Variants in TGFBR1 observed in about 807,000 individuals in gnomAD.
TGFBR1 encodes the protein TGF-beta receptor type-1.
A neutral mutation model predicts 55.1 loss-of-function variants in TGFBR1; 20 were observed. The observed-to-expected ratio is 0.36, with a 90% CI of 0.26 to 0.53. The LOEUF (loss-of-function observed/expected upper bound fraction) is 0.53, where lower values mean the gene tolerates loss of function less well. TGFBR1 is among the 20% of genes least tolerant of loss of function. TGFBR1 has a pLI of 0.91. For missense variants in TGFBR1, 385 were observed against 617.6 expected (o/e 0.62, Z 3.99); for synonymous variants, 220 against 214.8 (o/e 1.02, Z -0.21).
At chr9:99,148,811 G>C (rs1362625158) in intron 8 of TGFBR1, among the ~76,000 whole-genome samples, 1 of 151,352 alleles carries the variant, frequency 6.6e-6, no homozygotes, top group Non-Finnish European at 1.5e-5. Flanking sequence ...CACTTTGGGC[G>C]GCAGAGTGAG....
At chr9:99,144,031 T>G (rs183114295) in intron 5 of TGFBR1, among the ~76,000 whole-genome samples, 132 of 152,354 alleles carry the variant, frequency 8.7e-4, no homozygotes, top group African/African-American at 3.1e-3. Context: ...ATGGCATATG[T>G]CATATATCCG....
chr9:99,125,022 A>C (rs1386839118), intron 1 of TGFBR1, among the ~76,000 whole-genome samples: 1 of 152,248 alleles, frequency 6.6e-6, no homozygotes, highest in Non-Finnish European at 1.5e-5. Context: ...TACAAAAAAA[A>C]ACAAAATTCA....
At chr9:99,145,277 C>T (rs1554702007) in intron 6 of TGFBR1, among the ~76,000 whole-genome samples, 1 of 152,144 alleles carries the variant, frequency 6.6e-6, no homozygotes, top group Non-Finnish European at 1.5e-5. Context: ...ATATGCCTTT[C>T]TTGCTTTCTT....
rs1045935790 is a variant in TGFBR1 at position 99,149,382 on chromosome 9, A to G, written c.*77A>G. ...TTTAATTTGGGAGGTCAATTGTTCT[A>G]CCTCACTGAGAGGGAACAGAAGGAT... is the stretch of plus-strand genomic sequence containing the variant. On this transcript the variant is annotated 3_prime_UTR_variant, in exon 9 of 9. Coordinates refer to ENST00000374994, the MANE Select transcript of TGFBR1 (RefSeq NM_004612.4). The G allele has an allele frequency of 1.6e-5, 26 of 1,578,096 alleles. No homozygotes were observed. Among genetic ancestry groups the G allele is most frequent in the Non-Finnish European group, 1.9e-5 (22 of 1,149,144 alleles).
In TGFBR1 at chr9:99,151,548, C is replaced by T; in HGVS notation, c.*2243C>T. On this transcript the variant is annotated 3_prime_UTR_variant, in exon 9 of 9. Transcript: ENST00000374994. ...AGTTGTCTGATTTAAAGTTGTAATA[C>T]ATGATTTCTCACTTTCATGTAAGGT... 1 of 229,744 alleles carries T rather than the reference C, an allele frequency of 4.4e-6. No individual in the cohort carries two copies. Among genetic ancestry groups the T allele is most frequent in the African/African-American group, 2.2e-5 (1 of 45,252 alleles). The allele number at this position is 229,744 out of a possible 1,614,324, so 14.2% of individuals were successfully genotyped here.
At chr9:99,136,156 A>G (rs1418685406) in intron 3 of TGFBR1, among the ~76,000 whole-genome samples, 1 of 152,156 alleles carries the variant, frequency 6.6e-6, no homozygotes, top group African/African-American at 2.4e-5. Flanking sequence ...TGCCTGGCCA[A>G]TTGTTAACTT....
chr9:99,129,087 A>G lies in TGFBR1; in HGVS notation c.330A>G (p.Glu110=), dbSNP rs769471584. The G allele has an allele frequency of 6.2e-7, 1 of 1,613,930 alleles. No homozygotes were observed. Among genetic ancestry groups the G allele is most frequent in the Admixed American group, 1.7e-5 (1 of 60,000 alleles). Residue 110 remains glutamate (E), a synonymous_variant, in exon 2 of 9, where the codon GAA becomes GAG. Transcript: ENST00000374994. ...CCNQDHCNKI[E]LPTTVKSSPG... ...ATCAGGACCATTGCAATAAAATAGA[A>G]CTTCCAACTACTGGTAAGTTGTATA...
intron 6 of TGFBR1, among the ~76,000 whole-genome samples, chr9:99,146,184 G>A (rs149935616): frequency 2.8e-4 from 42 of 152,190 alleles, no homozygotes; most frequent in Non-Finnish European, 5.4e-4. Context: ...TACCTAGTAC[G>A]TGTATAGGTG....
At chr9:99,132,833 T>C in intron 3 of TGFBR1, 94 bp downstream of exon 3, 1 of 1,487,080 alleles carries the variant, frequency 6.7e-7, no homozygotes, top group Non-Finnish European at 9.2e-7. Flanking sequence ...CTTGCTAGAA[T>C]GTGAGATAGT....
intron 1 of TGFBR1, among the ~76,000 whole-genome samples, chr9:99,126,456 T>C (rs376235981): frequency 2.6e-5 from 4 of 152,210 alleles, no homozygotes; most frequent in East Asian, 3.8e-4. Flanking sequence ...CTTTGTGTGC[T>C]AAGCTTTTGG....
chr9:99,134,323 C>A (rs529215817), intron 3 of TGFBR1, among the ~76,000 whole-genome samples: 15 of 152,104 alleles, frequency 9.9e-5, no homozygotes, highest in Non-Finnish European at 1.6e-4. Context: ...CTGGAGCTCA[C>A]GTCCCAGAAG....
Position 99,153,150 on chromosome 9 carries a change from A to G in TGFBR1, c.*3845A>G, listed in dbSNP as rs1004020909. ...GTTAAGGAGATGCTTCAAAATGTCA[A>G]TTGCTTTAAACTTAAATTACCTCTC... On this transcript the variant is annotated 3_prime_UTR_variant, in exon 9 of 9. Transcript: ENST00000374994. The G allele has an allele frequency of 8.8e-6, 2 of 225,996 alleles. No individual in the cohort carries two copies. The highest frequency in any genetic ancestry group is 2.2e-5 in the African/African-American group (1 of 44,958). The allele number at this position is 225,996 out of a possible 1,614,324, so 14.0% of individuals were successfully genotyped here. A position where few individuals can be genotyped will look rare whatever the true frequency, so the allele number is the denominator to read the frequency against.
intron 1 of TGFBR1, among the ~76,000 whole-genome samples, chr9:99,106,513 C>T (rs1826419279): frequency 6.6e-6 from 1 of 152,174 alleles, no homozygotes; most frequent in Non-Finnish European, 1.5e-5. Flanking sequence ...TGCATTACTA[C>T]GATGTAAATG....
chr9:99,143,664 C>G (rs1174648936), intron 5 of TGFBR1, among the ~76,000 whole-genome samples: 1 of 152,126 alleles, frequency 6.6e-6, no homozygotes, highest in African/African-American at 2.4e-5. Flanking sequence ...AGTTATAATT[C>G]ACATCATAAA....
Position 99,114,015 on chromosome 9 carries a change from A to G in TGFBR1, c.97+8713A>G, listed in dbSNP as rs11466448. Among the ~76,000 whole-genome samples the G allele has an allele frequency of 4.3e-3, 661 of 152,276 alleles. 4 individuals carry two copies. Among genetic ancestry groups the G allele is most frequent in the African/African-American group, 0.015 (628 of 41,548 alleles). ...ATTCTGTACTTTTGGGCATAATCCA[A>G]GCTTCCTTGCTTACTGGTTTTAGCC... On this transcript the variant is annotated intron_variant, in intron 1 of 8. Transcript: ENST00000374994.
At chr9:99,149,088 C>A (rs1827892652) in intron 8 of TGFBR1, 92 bp from the exon 9 acceptor site, 2 of 1,342,720 alleles carry the variant, frequency 1.5e-6, no homozygotes, top group East Asian at 2.5e-5. Context: ...GTGTATATGT[C>A]ATTTAAAAAG....
At chr9:99,115,834 A>G (rs769859206) in intron 1 of TGFBR1, among the ~76,000 whole-genome samples, 1 of 152,200 alleles carries the variant, frequency 6.6e-6, no homozygotes, top group Admixed American at 6.5e-5. Context: ...TTTTATCAAA[A>G]TAAACAAGTT....
chr9:99,105,051 C>T, upstream of TGFBR1: 10 of 501,682 alleles, frequency 2.0e-5, no homozygotes, highest in South Asian at 8.8e-5. Flanking sequence ...CCGGCGGGAG[C>T]CCGGCAGCCA....
intron 2 of TGFBR1, 122 bp from the exon 3 acceptor site, chr9:99,132,387 T>C: frequency 6.6e-7 from 1 of 1,518,176 alleles, no homozygotes; most frequent in Non-Finnish European, 8.9e-7. Flanking sequence ...GTAATGAGGC[T>C]CTTTGGCTAA....
Sources: allele counts gnomAD v4.1 joint callset (sites outside exome capture counted in the v4.1 genomes callset), GRCh38; gene constraint gnomAD v4.1.1; transcripts MANE v1.5; gene names NCBI Gene and HGNC (gene_info 2026-07-23, HGNC 2026-07-21).